Variants in SGCZ observed in about 807,000 individuals in gnomAD.
SGCZ encodes the protein zeta-sarcoglycan.
In SGCZ, 40 loss-of-function variants were observed where a neutral mutation model predicts 41.3. The ratio of observed to expected loss-of-function variants is 0.97; its 90% CI spans 0.75 to 1.26. The LOEUF (loss-of-function observed/expected upper bound fraction) is 1.26, where lower values mean the gene tolerates loss of function less well. SGCZ is among the 50% of genes most tolerant of loss of function. The pLI, the probability that SGCZ is intolerant of heterozygous loss-of-function variation, is 0.00. For missense variants in SGCZ, 552 were observed against 369.8 expected (o/e 1.49, Z -4.04); for synonymous variants, 206 against 137.5 (o/e 1.50, Z -3.49).
intron 2 of SGCZ, among the ~76,000 whole-genome samples, chr8:14,436,353 C>G (rs1481944804): frequency 6.6e-6 from 1 of 152,144 alleles, no homozygotes; most frequent in Non-Finnish European, 1.5e-5. Flanking sequence ...GGTTTGTGTT[C>G]TTTGTTCTTC....
intron 2 of SGCZ, among the ~76,000 whole-genome samples, chr8:14,429,953 T>C (rs977560661): frequency 1.3e-5 from 2 of 152,148 alleles, no homozygotes; most frequent in African/African-American, 2.4e-5. Context: ...ATAAAGGTAT[T>C]CATAGTAGTC....
At chr8:14,178,469 G>C (rs528852623) in intron 4 of SGCZ, among the ~76,000 whole-genome samples, 1 of 152,324 alleles carries the variant, frequency 6.6e-6, no homozygotes, top group South Asian at 2.1e-4. Context: ...AAATAATTTA[G>C]ATCCAGCTGT....
intron 2 of SGCZ, among the ~76,000 whole-genome samples, chr8:14,494,087 G>C (rs1297226095): frequency 1.3e-5 from 2 of 152,164 alleles, no homozygotes; most frequent in African/African-American, 4.8e-5. Context: ...GTGTTTTCAG[G>C]AGGAAGCATG....
At chr8:15,154,572 A>G (rs777692115) in intron 1 of SGCZ, among the ~76,000 whole-genome samples, 9 of 152,208 alleles carry the variant, frequency 5.9e-5, no homozygotes, top group Non-Finnish European at 1.0e-4. Context: ...ACAGTACAAT[A>G]TATCATAGAG....
At chr8:14,927,048 T>C (rs1799776840) in intron 1 of SGCZ, among the ~76,000 whole-genome samples, 1 of 152,082 alleles carries the variant, frequency 6.6e-6, no homozygotes, top group Non-Finnish European at 1.5e-5. Context: ...ACTACATTTT[T>C]ATAGAAAATT....
chr8:14,527,653 T>C (rs1421328609), intron 2 of SGCZ, among the ~76,000 whole-genome samples: 1 of 152,146 alleles, frequency 6.6e-6, no homozygotes, highest in Non-Finnish European at 1.5e-5. Context: ...TAAGCTTAAA[T>C]TTTAATTAAA....
intron 1 of SGCZ, among the ~76,000 whole-genome samples, chr8:14,820,882 A>C (rs1014137170): frequency 4.6e-5 from 7 of 151,464 alleles, no homozygotes; most frequent in Non-Finnish European, 1.0e-4. Flanking sequence ...AAAACAAAAA[A>C]AGATTTCAAA....
intron 1 of SGCZ, among the ~76,000 whole-genome samples, chr8:15,225,771 A>T (rs916341477): frequency 5.3e-5 from 8 of 152,202 alleles, no homozygotes; most frequent in Non-Finnish European, 1.2e-4. Flanking sequence ...TCAGGAAACC[A>T]GGTGGTTCCT....
At chr8:14,851,415 A>G (rs1460196948) in intron 1 of SGCZ, among the ~76,000 whole-genome samples, 3 of 151,202 alleles carry the variant, frequency 2.0e-5, no homozygotes, top group African/African-American at 4.8e-5. Context: ...AGAAAAAAGT[A>G]TTCAAGGTAG....
chr8:14,404,067 C>T (rs368619768), intron 2 of SGCZ, among the ~76,000 whole-genome samples: 8 of 152,048 alleles, frequency 5.3e-5, no homozygotes, highest in East Asian at 3.9e-4. Flanking sequence ...CTGAGTATCA[C>T]GAAAAGAGAG....
chr8:14,406,939 C>G (rs1563309143), intron 2 of SGCZ, among the ~76,000 whole-genome samples: 1 of 152,112 alleles, frequency 6.6e-6, no homozygotes, highest in Admixed American at 6.6e-5. Flanking sequence ...ACATCACTGG[C>G]TCGCTTTAGA....
chr8:14,187,220 G>C (rs1460452509), intron 4 of SGCZ, among the ~76,000 whole-genome samples: 2 of 152,160 alleles, frequency 1.3e-5, no homozygotes, highest in African/African-American at 4.8e-5. Context: ...CTAAGAGTTG[G>C]GGAGTGAGGA....
intron 1 of SGCZ, among the ~76,000 whole-genome samples, chr8:14,755,804 A>C (rs1799646322): frequency 6.6e-6 from 1 of 152,198 alleles, no homozygotes; most frequent in Non-Finnish European, 1.5e-5. Flanking sequence ...TGTCCTCTAC[A>C]GACTTTCATG....
intron 3 of SGCZ, among the ~76,000 whole-genome samples, chr8:14,270,094 G>C (rs1800008798): frequency 6.6e-6 from 1 of 152,080 alleles, no homozygotes; most frequent in South Asian, 2.1e-4. Context: ...CACTTTGGGA[G>C]GCCGAGGCAA....
At chr8:14,683,981 G>A (rs1808527445) in intron 1 of SGCZ, among the ~76,000 whole-genome samples, 1 of 152,014 alleles carries the variant, frequency 6.6e-6, no homozygotes, top group Non-Finnish European at 1.5e-5. Context: ...CAATCCATGG[G>A]ATGCCATAGG....
intron 3 of SGCZ, among the ~76,000 whole-genome samples, chr8:14,282,835 CT>C (rs11290573): frequency 0.13 from 18,336 of 140,634 alleles, 1,400 homozygotes; most frequent in Admixed American, 0.19. Context: ...TATAATCATT[CT>C]CTTTCAAATA....
chr8:15,156,707 T>C (rs529718373), intron 1 of SGCZ, among the ~76,000 whole-genome samples: 50 of 150,714 alleles, frequency 3.3e-4, no homozygotes, highest in African/African-American at 1.2e-3. Context: ...ATTCTGGGAG[T>C]CCAAGGCAGA....
At chr8:14,331,032 T>A (rs1212471462) in intron 2 of SGCZ, among the ~76,000 whole-genome samples, 1 of 151,898 alleles carries the variant, frequency 6.6e-6, no homozygotes, top group African/African-American at 2.4e-5. Flanking sequence ...GGAAGGTAGA[T>A]ACATGTGTTT....
chr8:14,163,582 C>G (rs1007649259), intron 5 of SGCZ, among the ~76,000 whole-genome samples: 40 of 152,308 alleles, frequency 2.6e-4, no homozygotes, highest in African/African-American at 8.7e-4. Context: ...CATCACACAA[C>G]TACACACACA....
Sources: allele counts gnomAD v4.1 joint callset (sites outside exome capture counted in the v4.1 genomes callset), GRCh38; gene constraint gnomAD v4.1.1; transcripts MANE v1.5; gene names NCBI Gene and HGNC (gene_info 2026-07-23, HGNC 2026-07-21).